Variants in SDR16C5 observed in about 807,000 individuals in gnomAD.
SDR16C5 encodes the protein epidermal retinol dehydrogenase 2.
SDR16C5 carries 20 observed loss-of-function variants against 27.7 expected under a neutral mutation model. That is an observed-to-expected ratio of 0.72 (90% CI 0.51 to 1.05). The LOEUF (loss-of-function observed/expected upper bound fraction) is 1.05. Among genes scored for constraint, SDR16C5 ranks in the 50% least tolerant of loss-of-function variants. The pLI, the probability that SDR16C5 is intolerant of heterozygous loss-of-function variation, is 0.00. For synonymous variants in SDR16C5, 139 were observed against 132.3 expected (o/e 1.05, Z -0.35); for missense variants, 374 against 366.3 (o/e 1.02, Z -0.17).
rs546928121 is a variant in SDR16C5, at chr8:56,310,642, C to T, written c.465+1515G>A. Among the ~76,000 whole-genome samples the T allele has an allele frequency of 3.6e-4, 55 of 150,744 alleles. 1 individual carries two copies. In the South Asian group the frequency reaches 6.7e-3, roughly 18 times the overall value. On this transcript the variant is annotated intron_variant, in intron 3 of 6. Transcript: ENST00000303749. ...CTGAGGTAGGAGAATTGCTTGAACCCGGGAGGTGGAGGTTGCAGTGAGCCG... is the reference window on the plus strand; with the variant it reads ...CTGAGGTAGGAGAATTGCTTGAACCTGGGAGGTGGAGGTTGCAGTGAGCCG...
At chr8:56,301,798 T>G (rs1217473647) in intron 6 of SDR16C5, among the ~76,000 whole-genome samples, 3 of 152,130 alleles carry the variant, frequency 2.0e-5, no homozygotes, top group Non-Finnish European at 4.4e-5. Context: ...AGTTATTCAA[T>G]TCACTTCTCA....
In SDR16C5 at chr8:56,301,220, G is replaced by A. The variant is rs1260870450; in HGVS notation, c.*260C>T. On this transcript the variant is annotated 3_prime_UTR_variant, in exon 7 of 7. Coordinates refer to ENST00000303749, the MANE Select transcript of SDR16C5 (RefSeq NM_138969.4). ...CATGGCTTATCACTTTCTTACATCT[G>A]TGGTAATGGAAATGACAAAAATGGG... The A allele has an allele frequency of 1.6e-5, 6 of 368,618 alleles. No homozygotes were observed. Among genetic ancestry groups the A allele is most frequent in the Non-Finnish European group, 3.0e-5 (6 of 198,282 alleles). The allele number at this position is 368,618 out of a possible 1,614,324, so 22.8% of individuals were successfully genotyped here. A position where few individuals can be genotyped will look rare whatever the true frequency, so the allele number is the denominator to read the frequency against.
Position 56,306,814 on chromosome 8 carries a change from C to T in SDR16C5, c.572G>A (p.Cys191Tyr). 6.2e-7 allele frequency: 1 copy of T among 1,609,582 alleles called. No individual in the cohort carries two copies. The highest frequency in any genetic ancestry group is 8.5e-7 in the Non-Finnish European group (1 of 1,178,950). Residue 191 changes from cysteine (C) to tyrosine (Y), a missense_variant, in exon 5 of 7, where the codon TGT becomes TAT. By Grantham distance (194) the Cys-to-Tyr change is radical. Coordinates refer to ENST00000303749, the MANE Select transcript of SDR16C5 (RefSeq NM_138969.4). ...CCCAAAGGCTGCAAATTTACTTGCA[C>T]AGTAATCTGAAAAAGACAAAGCATG... is the stretch of plus-strand genomic sequence containing the variant. ...LSGVNGLADY[C>Y]ASKFAAFGFA...
chr8:56,309,445 C>G, intron 3 of SDR16C5: 1 of 985,398 alleles, frequency 1.0e-6, no homozygotes, highest in Non-Finnish European at 1.2e-6. Flanking sequence ...CACAGGACAT[C>G]TGGCTGTTGA....
intron 2 of SDR16C5, among the ~76,000 whole-genome samples, chr8:56,314,965 A>C (rs6415686): frequency 0.97 from 147,691 of 152,210 alleles, 71,666 homozygotes; most frequent in Middle Eastern, 1. Context: ...AATCCTTAGG[A>C]CGGGCACAGT....
chr8:56,310,027 AAGGAAGAGGAGGAAG>A (rs1198273396), intron 3 of SDR16C5, among the ~76,000 whole-genome samples: 1 of 150,564 alleles, frequency 6.6e-6, no homozygotes, highest in Non-Finnish European at 1.5e-5. Flanking sequence ...ACCAGCACTG[AAGGAAGAGGAGGAAG>A]AGGAAGAGGA....
chr8:56,303,882 G>C, intron 6 of SDR16C5: 1 of 689,642 alleles, frequency 1.5e-6, no homozygotes, highest in Non-Finnish European at 2.6e-6. Context: ...TGCATTACAC[G>C]AATCTACAAG....
At chr8:56,310,643 G>A (rs1388005187) in intron 3 of SDR16C5, among the ~76,000 whole-genome samples, 2 of 151,348 alleles carry the variant, frequency 1.3e-5, no homozygotes, top group Admixed American at 6.6e-5. Context: ...GCTTGAACCC[G>A]GGAGGTGGAG....
At position 56,301,356 on chromosome 8, in the gene SDR16C5, C is replaced by A. The variant is rs1814749094; in HGVS notation, c.*124G>T. On this transcript the variant is annotated 3_prime_UTR_variant, in exon 7 of 7. Transcript: ENST00000303749. ...TGATTGAAAATTCTAGTCCAGATAACAGAATAGGAGTGGTACTTGTGGTCT... is the reference window on the plus strand; with the variant it reads ...TGATTGAAAATTCTAGTCCAGATAAAAGAATAGGAGTGGTACTTGTGGTCT... 2 of 592,854 alleles carry A rather than the reference C, an allele frequency of 3.4e-6. No individual in the cohort carries two copies. Among genetic ancestry groups the A allele is most frequent in the East Asian group, 5.3e-5 (2 of 37,388 alleles). The allele number at this position is 592,854 out of a possible 1,614,324, so 36.7% of individuals were successfully genotyped here.
intron 6 of SDR16C5, among the ~76,000 whole-genome samples, chr8:56,302,497 A>G (rs1038473025): frequency 6.6e-6 from 1 of 151,804 alleles, no homozygotes; most frequent in South Asian, 2.1e-4. Context: ...ACATGGTGAA[A>G]CCCCATCTCT....
In SDR16C5 at chr8:56,306,688, C is replaced by A. The variant is rs748763618; in HGVS notation, c.698G>T (p.Gly233Val). The change falls in exon 5 of 7, where the codon GGT (glycine) becomes GTT (valine). Residue 233 changes from glycine (G) to valine (V), a missense_variant. Coordinates refer to ENST00000303749, the MANE Select transcript of SDR16C5 (RefSeq NM_138969.4). ...PFFIKTGMFE[G>V]CTTGCPSLLP... is the part of the protein sequence containing the mutation. ...AGGACATACTTACCCTGTAGTACAA[C>A]CTTCAAACATTCCAGTTTTTATAAA... 14 of 1,612,364 alleles carry A rather than the reference C, an allele frequency of 8.7e-6. No individual in the cohort carries two copies. Among genetic ancestry groups the A allele is most frequent in the Non-Finnish European group, 1.1e-5 (13 of 1,179,528 alleles).
chr8:56,306,656 A>C lies in SDR16C5; in HGVS notation c.710+20T>G. 6.4e-7 allele frequency: 1 copy of C among 1,556,318 alleles called. No homozygotes were observed. Among genetic ancestry groups the C allele is most frequent in the Non-Finnish European group, 8.7e-7 (1 of 1,155,052 alleles). ...CATTTTTAAGAGTGTAGATTCTTTG[A>C]AATTAAAGGACATACTTACCCTGTA... On this transcript the variant is annotated intron_variant, in intron 5 of 6. Transcript: ENST00000303749.
intron 6 of SDR16C5, among the ~76,000 whole-genome samples, chr8:56,302,969 A>G (rs1421943483): frequency 6.6e-6 from 1 of 151,756 alleles, no homozygotes. Context: ...GTGACAGAAC[A>G]AGACCTTGTC....
In SDR16C5 at chr8:56,300,066, A is replaced by C. The variant is rs1305556380; in HGVS notation, c.*1414T>G. 6.6e-6 allele frequency: 1 copy of C among 152,184 alleles called. No individual in the cohort carries two copies. Among genetic ancestry groups the C allele is most frequent in the Admixed American group, 6.5e-5 (1 of 15,278 alleles). 9.4% of individuals were successfully genotyped at this position (152,184 alleles called of 1,614,324 possible). A position where few individuals can be genotyped will look rare whatever the true frequency, so the allele number is the denominator to read the frequency against. On this transcript the variant is annotated 3_prime_UTR_variant, in exon 7 of 7. Coordinates refer to ENST00000303749, the MANE Select transcript of SDR16C5 (RefSeq NM_138969.4). ...CACCAAATACCTTCATCATTCTTTG[A>C]GTAATGATTGACAGTCTCGTTTAAT...
intron 2 of SDR16C5, among the ~76,000 whole-genome samples, chr8:56,315,425 T>G (rs1815164922): frequency 6.6e-6 from 1 of 152,172 alleles, no homozygotes. Flanking sequence ...TCTGATTGTC[T>G]TATGACTACT....
chr8:56,310,742 C>G (rs1286432956), intron 3 of SDR16C5, among the ~76,000 whole-genome samples: 1 of 148,542 alleles, frequency 6.7e-6, no homozygotes, highest in East Asian at 2.0e-4. Context: ...AAAAAGAACA[C>G]AAAGCCATGG....
At chr8:56,306,151 C>A (rs1814876275) in intron 5 of SDR16C5, among the ~76,000 whole-genome samples, 1 of 152,090 alleles carries the variant, frequency 6.6e-6, no homozygotes, top group African/African-American at 2.4e-5. Context: ...GGAGGTGGGG[C>A]TTTTGAGGTG....
chr8:56,317,348 T>G lies in SDR16C5; in HGVS notation c.-14-987A>C, dbSNP rs184242744. ...CTTGACAAACTCATACAGAGCTTAG[T>G]GCTTACATCCTGCTACCAGTTACTC... On this transcript the variant is annotated intron_variant, in intron 1 of 6. Transcript: ENST00000303749. Among the ~76,000 whole-genome samples the G allele has an allele frequency of 5.9e-5, 9 of 152,034 alleles. No homozygotes were observed. The East Asian group carries it at 1.4e-3, about 23-fold the overall frequency.
At chr8:56,319,502 C>T (rs1462310208) in intron 1 of SDR16C5, among the ~76,000 whole-genome samples, 1 of 152,212 alleles carries the variant, frequency 6.6e-6, no homozygotes, top group African/African-American at 2.4e-5. Context: ...ACAATTTAAT[C>T]TGGCAGAAGT....
Sources: gnomAD v4.1 joint callset for allele counts (sites outside exome capture counted in the v4.1 genomes callset) on GRCh38, gnomAD v4.1.1 for gene constraint, MANE v1.5 for transcripts, NCBI Gene and HGNC (gene_info 2026-07-23, HGNC 2026-07-21) for gene names.